Variants in DOCK2 observed in about 807,000 individuals in gnomAD.
DOCK2 encodes dedicator of cytokinesis protein 2.
DOCK2 carries 87 observed loss-of-function variants against 248.9 expected under a neutral mutation model. The ratio of observed to expected loss-of-function variants is 0.35; its 90% CI spans 0.29 to 0.42. The LOEUF is 0.42. Among genes scored for constraint, DOCK2 ranks in the 10% least tolerant of loss-of-function variants. DOCK2 has a pLI of 1.00. For synonymous variants in DOCK2, 805 were observed against 821.6 expected (o/e 0.98, Z 0.35); for missense variants, 1,747 against 2,300.2 (o/e 0.76, Z 4.92).
At position 169,894,470 on chromosome 5, in the gene DOCK2, TG is replaced by T. The variant is rs1343062737; in HGVS notation, c.2799+53620del. On this transcript the variant is annotated intron_variant, in intron 27 of 51. Transcript: ENST00000520908. Reference sequence around the variant, plus strand: ...GGACTCTGCAGTGCGCCATCCACCCTGGTACAGCAAAGCATTGGCAGGCAGC... The same window carrying T: ...GGACTCTGCAGTGCGCCATCCACCCTGTACAGCAAAGCATTGGCAGGCAGC... 2.6e-5 allele frequency among the ~76,000 whole-genome samples: 4 copies of T among 152,176 alleles called. No homozygotes were observed. In the East Asian group the frequency reaches 7.7e-4, roughly 29 times the overall value.
At chr5:170,075,560 T>C (rs1757810809) in intron 46 of DOCK2, 2 of 168,288 alleles carry the variant, frequency 1.2e-5, no homozygotes, top group Admixed American at 1.2e-4. Flanking sequence ...CCTTTCACTT[T>C]AGTATTGCCA....
chr5:170,000,782 G>A (rs1391950694), intron 30 of DOCK2, among the ~76,000 whole-genome samples: 1 of 152,166 alleles, frequency 6.6e-6, no homozygotes, highest in Non-Finnish European at 1.5e-5. Flanking sequence ...AGGCCTTGAG[G>A]CATTTTTGGA....
chr5:169,861,758 A>G (rs555176183), intron 27 of DOCK2, among the ~76,000 whole-genome samples: 15 of 152,314 alleles, frequency 9.8e-5, no homozygotes, highest in African/African-American at 2.6e-4. Flanking sequence ...TGTTTATGGA[A>G]TCCTATTTCC....
intron 27 of DOCK2, among the ~76,000 whole-genome samples, chr5:169,959,393 A>C (rs987386429): frequency 3.9e-5 from 6 of 152,040 alleles, no homozygotes; most frequent in Admixed American, 2.6e-4. Context: ...AAAGGAACAA[A>C]CTATTCCCAA....
At chr5:169,737,810 C>CT (rs2113652386) in intron 22 of DOCK2, among the ~76,000 whole-genome samples, 1 of 152,338 alleles carries the variant, frequency 6.6e-6, no homozygotes, top group East Asian at 1.9e-4. Flanking sequence ...CTCCCCATTC[C>CT]TGTATCTTTT....
chr5:170,031,077 T>C lies in DOCK2; in HGVS notation c.3467+3129T>C, dbSNP rs1459914922. On this transcript the variant is annotated intron_variant, in intron 34 of 51. Coordinates refer to ENST00000520908, the MANE Select transcript of DOCK2 (RefSeq NM_004946.3). ...GAGCTCTCTTTGGAGCCCACGCTCA[T>C]TGATCCACGTATATCTGAAAGTGTA... is the stretch of plus-strand genomic sequence containing the variant. 3.3e-5 allele frequency among the ~76,000 whole-genome samples: 5 copies of C among 152,264 alleles called. No homozygotes were observed. In the South Asian group the frequency reaches 8.3e-4, roughly 25 times the overall value.
intron 32 of DOCK2, among the ~76,000 whole-genome samples, chr5:170,014,582 A>T (rs1322607279): frequency 7.0e-6 from 1 of 142,718 alleles, no homozygotes; most frequent in Non-Finnish European, 1.5e-5. Flanking sequence ...TAGCTTCCAT[A>T]CAGAATAGCA....
In DOCK2 at chr5:170,045,806, C is replaced by T. The variant is rs1756687845; in HGVS notation, c.3877-10C>T. 4 of 1,614,050 alleles carry T rather than the reference C, an allele frequency of 2.5e-6. No homozygotes were observed. Among genetic ancestry groups the T allele is most frequent in the Non-Finnish European group, 2.5e-6 (3 of 1,179,934 alleles). On this transcript the variant is annotated splice_polypyrimidine_tract_variant and intron_variant, in intron 38 of 51. Transcript: ENST00000520908. ...GCCACCTCACCTTTGTCCCTGTGAC[C>T]TTCCTGTAGATGTGGGAAGAGGCCA...
At chr5:169,704,757 ATATGTGTGTGTGTG>A (rs1026764115) in intron 14 of DOCK2, among the ~76,000 whole-genome samples, 6 of 118,378 alleles carry the variant, frequency 5.1e-5, no homozygotes, top group East Asian at 5.3e-4. Flanking sequence ...TACTCCATAT[ATATGTGTGTGTGTG>A]TGTGTGTGTG....
intron 22 of DOCK2, among the ~76,000 whole-genome samples, chr5:169,739,166 A>G (rs1165505978): frequency 6.6e-6 from 1 of 152,242 alleles, no homozygotes; most frequent in Non-Finnish European, 1.5e-5. Flanking sequence ...CCATGGAATC[A>G]AAGGATGAAG....
chr5:170,007,797 G>A (rs1423892909), intron 30 of DOCK2, among the ~76,000 whole-genome samples: 1 of 152,148 alleles, frequency 6.6e-6, no homozygotes, highest in Non-Finnish European at 1.5e-5. Context: ...GCCAGCAGGG[G>A]CTGTAACTGA....
chr5:170,071,340 G>T (rs58260920), intron 46 of DOCK2, among the ~76,000 whole-genome samples: 37,426 of 152,056 alleles, frequency 0.25, 5,027 homozygotes, highest in East Asian at 0.6. Flanking sequence ...TTGGATTTTG[G>T]TTTTGCAAAG....
At chr5:170,019,449 G>A (rs923490635) in intron 33 of DOCK2, among the ~76,000 whole-genome samples, 3 of 152,020 alleles carry the variant, frequency 2.0e-5, no homozygotes, top group African/African-American at 7.3e-5. Flanking sequence ...ACCCACTCTT[G>A]TCTAGTACTT....
intron 27 of DOCK2, among the ~76,000 whole-genome samples, chr5:169,906,186 C>T (rs927724020): frequency 2.6e-5 from 4 of 152,090 alleles, no homozygotes; most frequent in East Asian, 1.9e-4. Context: ...GCATTGTGCC[C>T]GGGGCCGTGG....
chr5:169,733,035 C>G (rs1374735624), intron 22 of DOCK2, among the ~76,000 whole-genome samples: 1 of 152,010 alleles, frequency 6.6e-6, no homozygotes, highest in Non-Finnish European at 1.5e-5. Flanking sequence ...ATAATTATGT[C>G]TGTTATGAAG....
chr5:169,825,676 G>C (rs1768799708), intron 26 of DOCK2, among the ~76,000 whole-genome samples: 2 of 150,784 alleles, frequency 1.3e-5, no homozygotes, highest in Non-Finnish European at 3.0e-5. Flanking sequence ...TGTAAATGAT[G>C]AGTTAACAGG....
At chr5:170,054,251 G>A (rs1757026732) in intron 41 of DOCK2, among the ~76,000 whole-genome samples, 1 of 152,186 alleles carries the variant, frequency 6.6e-6, no homozygotes, top group African/African-American at 2.4e-5. Flanking sequence ...TCAGGCCCAG[G>A]AAAAGATTTT....
At position 170,018,461 on chromosome 5, in the gene DOCK2, A is replaced by C. The variant is rs1390879743; in HGVS notation, c.3233-499A>C. ...AGAAGTTGTGGTTCATCTGATCCTC[A>C]AGCTATGTTTTAAATCTCCCCGTTC... On this transcript the variant is annotated intron_variant, in intron 32 of 51. Coordinates refer to ENST00000520908, the MANE Select transcript of DOCK2 (RefSeq NM_004946.3). 5.9e-5 allele frequency among the ~76,000 whole-genome samples: 9 copies of C among 152,324 alleles called. No homozygotes were observed. The South Asian group carries it at 1.7e-3, about 28-fold the overall frequency.
chr5:170,022,915 G>A (rs1005523622), intron 33 of DOCK2, among the ~76,000 whole-genome samples: 8 of 152,164 alleles, frequency 5.3e-5, no homozygotes, highest in Admixed American at 3.3e-4. Flanking sequence ...GAACCACATC[G>A]GCACAGGGAG....
Sources: gnomAD v4.1 joint callset for allele counts (sites outside exome capture counted in the v4.1 genomes callset) on GRCh38, gnomAD v4.1.1 for gene constraint, MANE v1.5 for transcripts, NCBI Gene and HGNC (gene_info 2026-07-23, HGNC 2026-07-21) for gene names.